MPP7: variants seen among roughly 807,000 people sequenced by gnomAD.
MPP7 encodes MAGUK p55 subfamily member 7.
Under a neutral mutation model 76.5 loss-of-function variants are expected in MPP7, and 60 were observed. That is an observed-to-expected ratio of 0.78 (90% CI 0.64 to 0.97). The LOEUF (loss-of-function observed/expected upper bound fraction) is 0.97. Among genes scored for constraint, MPP7 ranks in the 50% least tolerant of loss-of-function variants. MPP7 has a pLI of 0.00. For missense variants in MPP7, 641 were observed against 694.0 expected, an observed-to-expected ratio of 0.92 and a Z score of 0.86; for synonymous variants, 237 against 244.5, an observed-to-expected ratio of 0.97 and a Z score of 0.29.
At chr10:28,245,857 A>C (rs1839416500) in intron 1 of MPP7, among the ~76,000 whole-genome samples, 1 of 151,538 alleles carries the variant, frequency 6.6e-6, no homozygotes, top group Admixed American at 6.6e-5. Context: ...TGAAAAATTC[A>C]CAAGAGGGGC....
chr10:28,150,021 C>A lies in MPP7; in HGVS notation c.195G>T (p.Pro65=), dbSNP rs758063465. ...EKLHYYEKQS[P]VPILHGAAAL... is the part of the protein sequence containing the mutation. Reference sequence around the variant, plus strand: ...CCGCCGCACCATGGAGAATGGGCACCGGACTCTGCTTCTCATAGTAGTGTA... The same window carrying A: ...CCGCCGCACCATGGAGAATGGGCACAGGACTCTGCTTCTCATAGTAGTGTA... The change falls in exon 4 of 17, where the codon CCG becomes CCT. Residue 65 remains proline, a synonymous_variant. Transcript: ENST00000683449. 1.9e-6 allele frequency: 3 copies of A among 1,613,486 alleles called. No individual in the cohort carries two copies. The African/African-American group carries it at 4.0e-5, about 22-fold the overall frequency.
intron 1 of MPP7, among the ~76,000 whole-genome samples, chr10:28,260,558 G>A (rs964652798): frequency 6.6e-6 from 1 of 151,970 alleles, no homozygotes; most frequent in Non-Finnish European, 1.5e-5. Context: ...CGGATCACCT[G>A]AGGTCAGGAA....
intron 2 of MPP7, among the ~76,000 whole-genome samples, chr10:28,219,783 A>G (rs1838437365): frequency 6.6e-6 from 1 of 152,144 alleles, no homozygotes; most frequent in Non-Finnish European, 1.5e-5. Flanking sequence ...CCAGAACAAC[A>G]CTATAAAATT....
intron 11 of MPP7, among the ~76,000 whole-genome samples, chr10:28,090,720 T>C (rs1232809576): frequency 1.3e-5 from 2 of 152,210 alleles, no homozygotes; most frequent in Non-Finnish European, 2.9e-5. Context: ...GCTCACCCAG[T>C]CAACAATTAG....
chr10:28,200,902 T>G (rs140051944), intron 3 of MPP7, among the ~76,000 whole-genome samples: 1 of 152,324 alleles, frequency 6.6e-6, no homozygotes, highest in African/African-American at 2.4e-5. Context: ...CTCAAATATA[T>G]TTTATTCCTG....
chr10:28,095,677 T>C (rs988187441), intron 11 of MPP7, among the ~76,000 whole-genome samples: 2 of 152,164 alleles, frequency 1.3e-5, no homozygotes, highest in Admixed American at 1.3e-4. Context: ...GAGGATTCTT[T>C]TAGATAAATG....
At chr10:28,314,779 TAG>T (rs1254022224) in intron 2 of MPP7, among the ~76,000 whole-genome samples, 25 of 152,326 alleles carry the variant, frequency 1.6e-4, no homozygotes. Flanking sequence ...ACAAAGTTTG[TAG>T]AAATTTTGAT....
intron 1 of MPP7, among the ~76,000 whole-genome samples, chr10:28,285,094 G>A (rs1277911973): frequency 6.6e-6 from 1 of 152,152 alleles, no homozygotes; most frequent in Non-Finnish European, 1.5e-5. Flanking sequence ...AACCTGAACA[G>A]TCCTGTTCTA....
chr10:28,330,533 T>C (rs1834461486), intron 1 of MPP7, among the ~76,000 whole-genome samples: 1 of 152,196 alleles, frequency 6.6e-6, no homozygotes, highest in Non-Finnish European at 1.5e-5. Context: ...TTATGTGGCT[T>C]TTCCTCTAAG....
At chr10:28,122,257 A>C (rs1199091460) in intron 8 of MPP7, among the ~76,000 whole-genome samples, 1 of 151,856 alleles carries the variant, frequency 6.6e-6, no homozygotes, top group Non-Finnish European at 1.5e-5. Context: ...TTTAATAAGG[A>C]CTCAATTGTT....
chr10:28,066,076 T>C (rs1007016951), intron 13 of MPP7, among the ~76,000 whole-genome samples: 1 of 152,098 alleles, frequency 6.6e-6, no homozygotes, highest in African/African-American at 2.4e-5. Context: ...AAGGAGGAAA[T>C]TTCCCACAGG....
At chr10:28,203,542 A>T (rs2133991375) in intron 2 of MPP7, among the ~76,000 whole-genome samples, 1 of 151,102 alleles carries the variant, frequency 6.6e-6, no homozygotes, top group African/African-American at 2.4e-5. Context: ...ATTCTGAAGT[A>T]TTCTTGGTAT....
intron 3 of MPP7, among the ~76,000 whole-genome samples, chr10:28,162,090 T>C (rs1185005221): frequency 1.3e-5 from 2 of 152,212 alleles, no homozygotes; most frequent in South Asian, 2.1e-4. Context: ...AACAAAGCAC[T>C]GCTTAATAAT....
chr10:28,330,993 G>A (rs703017), intron 1 of MPP7, among the ~76,000 whole-genome samples: 10 of 151,840 alleles, frequency 6.6e-5, no homozygotes, highest in Non-Finnish European at 1.0e-4. Context: ...ACACAGTACC[G>A]TATTCATTTT....
At chr10:28,233,649 C>T (rs774522824) in intron 2 of MPP7, among the ~76,000 whole-genome samples, 13 of 148,754 alleles carry the variant, frequency 8.7e-5, no homozygotes, top group African/African-American at 2.2e-4. Flanking sequence ...ACCTGGGAGG[C>T]GGAACTTGCA....
intron 16 of MPP7, among the ~76,000 whole-genome samples, chr10:28,056,218 T>C (rs1011071881): frequency 9.9e-5 from 15 of 152,038 alleles, no homozygotes; most frequent in Admixed American, 7.2e-4. Context: ...AGTGTAGTAG[T>C]GTGATCTCAG....
chr10:28,088,102 T>C (rs79599700), intron 12 of MPP7, among the ~76,000 whole-genome samples: 1,839 of 152,166 alleles, frequency 0.012, 53 homozygotes, highest in East Asian at 0.12. Context: ...ATGTGAGAAA[T>C]TGCATCATTT....
At chr10:28,146,555 C>T (rs1365966628) in intron 5 of MPP7, among the ~76,000 whole-genome samples, 3 of 152,096 alleles carry the variant, frequency 2.0e-5, no homozygotes, top group African/African-American at 4.8e-5. Context: ...GCGCCCGCCA[C>T]ATGTTTTTAA....
At chr10:28,109,867 A>AAAAAAAAAAAAC (rs1834447582) in intron 11 of MPP7, among the ~76,000 whole-genome samples, 3 of 149,524 alleles carry the variant, frequency 2.0e-5, no homozygotes, top group African/African-American at 7.4e-5. Context: ...AAAAAAAAAA[A>AAAAAAAAAAAAC]AAAAAACACT....
Sources: allele counts gnomAD v4.1 joint callset (sites outside exome capture counted in the v4.1 genomes callset), GRCh38; gene constraint gnomAD v4.1.1; transcripts MANE v1.5; gene names NCBI Gene and HGNC (gene_info 2026-07-23, HGNC 2026-07-21).